Variants in BID observed in about 807,000 individuals in gnomAD.
The protein encoded by BID is BH3 interacting domain death agonist.
A neutral mutation model predicts 17.4 loss-of-function variants in BID; 19 were observed. The observed-to-expected ratio is 1.09, with a 90% CI of 0.76 to 1.60. BID has a LOEUF of 1.60. Among genes scored for constraint, BID ranks in the 40% most tolerant of loss-of-function variants. The pLI is 0.00. For missense variants in BID, 226 were observed against 256.0 expected, an observed-to-expected ratio of 0.88 and a Z score of 0.80; for synonymous variants, 108 against 102.8, an observed-to-expected ratio of 1.05 and a Z score of -0.31.
chr22:17,760,637 G>A (rs150115505), intron 1 of BID, among the ~76,000 whole-genome samples: 29 of 151,992 alleles, frequency 1.9e-4, no homozygotes, highest in African/African-American at 6.8e-4. Context: ...GCAGCCCGTC[G>A]CACTCTGCAG....
Position 17,773,979 on chromosome 22 carries a change from A to G in BID, c.-59+402T>C, listed in dbSNP as rs8190271. 3,245 of 517,096 alleles carry G rather than the reference A, an allele frequency of 6.3e-3. 93 individuals are homozygous for G. Among genetic ancestry groups the G allele is most frequent in the African/African-American group, 0.057 (2,909 of 51,270 alleles). The allele number at this position is 517,096 out of a possible 1,614,324, so 32.0% of individuals were successfully genotyped here. ...GGGCGGGGATTCCGATCCGCCGGCA[A>G]GGGTGGCCTGCACCCGGCCAGGCCC... On this transcript the variant is annotated intron_variant, in intron 1 of 5. Coordinates refer to ENST00000622694, the MANE Select transcript of BID (RefSeq NM_001196.4). The surrounding 1 kb of genome is among the most constrained non-coding windows in gnomAD (Gnocchi z 4.4).
At chr22:17,738,683 G>A (rs1009832121) in intron 4 of BID, among the ~76,000 whole-genome samples, 3 of 151,622 alleles carry the variant, frequency 2.0e-5, no homozygotes, top group Non-Finnish European at 4.4e-5. Flanking sequence ...ATGGGAGTGC[G>A]CCAGCCACTC....
At chr22:17,749,039 C>CT (rs1886343961) in intron 2 of BID, among the ~76,000 whole-genome samples, 2 of 152,252 alleles carry the variant, frequency 1.3e-5, no homozygotes, top group Non-Finnish European at 2.9e-5. Context: ...GTAGGGGCAG[C>CT]TTGAGAACCT....
rs144654774 is a variant in BID at position 17,738,412 on chromosome 22, G to A, written c.364-183C>T. ...AAAGGGAAGACTGCAATCACTCCCTGCAGGGGGCTCGGTAAGCAAACGCAT... is the reference window on the plus strand; with the variant it reads ...AAAGGGAAGACTGCAATCACTCCCTACAGGGGGCTCGGTAAGCAAACGCAT... On this transcript the variant is annotated intron_variant, in intron 4 of 5. Transcript: ENST00000622694. Among the ~76,000 whole-genome samples, 6 of 152,360 alleles carry A rather than the reference G, an allele frequency of 3.9e-5. No homozygotes were observed. The East Asian group carries it at 1.2e-3, about 29-fold the overall frequency.
intron 2 of BID, among the ~76,000 whole-genome samples, chr22:17,747,380 G>T (rs2061501531): frequency 1.3e-5 from 2 of 152,222 alleles, no homozygotes; most frequent in Admixed American, 1.3e-4. Flanking sequence ...GAGTACAATG[G>T]TGCCATCTCA....
chr22:17,757,132 C>T (rs1259349058), intron 1 of BID, among the ~76,000 whole-genome samples: 4 of 152,016 alleles, frequency 2.6e-5, no homozygotes, highest in African/African-American at 7.2e-5. Context: ...CACCAGGCTT[C>T]GGCCGGGCAC....
At chr22:17,762,858 G>A (rs1352662740) in intron 1 of BID, among the ~76,000 whole-genome samples, 1 of 150,462 alleles carries the variant, frequency 6.6e-6, no homozygotes, top group Non-Finnish European at 1.5e-5. Flanking sequence ...CTGCTTTGAG[G>A]AAAAAAAACA....
At position 17,773,146 on chromosome 22, in the gene BID, G is replaced by A. The variant is rs1314965504; in HGVS notation, c.-59+1235C>T. Among the ~76,000 whole-genome samples the A allele has an allele frequency of 6.6e-6, 1 of 152,106 alleles. No homozygotes were observed. The highest frequency in any genetic ancestry group is 2.4e-5 in the African/African-American group (1 of 41,416). On this transcript the variant is annotated intron_variant, in intron 1 of 5. Coordinates refer to ENST00000622694, the MANE Select transcript of BID (RefSeq NM_001196.4). The surrounding 1 kb of genome is among the most constrained non-coding windows in gnomAD (Gnocchi z 4.4). ...TCCTCTTCCCTCCCTGGGCAAGAGGGGCAGAAGGGGCAGGGACGCACACCC... is the reference window on the plus strand; with the variant it reads ...TCCTCTTCCCTCCCTGGGCAAGAGGAGCAGAAGGGGCAGGGACGCACACCC...
In BID at chr22:17,769,942, T is replaced by C. The variant is rs2061707434; in HGVS notation, c.-59+4439A>G. ...TCCGGTGCCCTCAGGCCTAGCCTCA[T>C]TGTCACAGGAACGGAGCTCCTCGGG... On this transcript the variant is annotated intron_variant, in intron 1 of 5. Coordinates refer to ENST00000622694, the MANE Select transcript of BID (RefSeq NM_001196.4). This position sits in a 1 kb window ranked among gnomAD's most constrained non-coding sequence, Gnocchi z 4.8. Among the ~76,000 whole-genome samples, 1 of 152,096 alleles carries C rather than the reference T, an allele frequency of 6.6e-6. No homozygotes were observed. The highest frequency in any genetic ancestry group is 2.4e-5 in the African/African-American group (1 of 41,414).
At chr22:17,739,689 G>C (rs1417006107) in intron 3 of BID, 1 of 685,472 alleles carries the variant, frequency 1.5e-6, no homozygotes, top group African/African-American at 1.8e-5. Flanking sequence ...CAGTGCCGGA[G>C]CTCAGGGCCT....
intron 2 of BID, among the ~76,000 whole-genome samples, chr22:17,746,266 G>A (rs2061494667): frequency 6.6e-6 from 1 of 152,148 alleles, no homozygotes; most frequent in Admixed American, 6.6e-5. Flanking sequence ...CCCTCTCCAT[G>A]CGATACCGGA....
chr22:17,744,040 C>T lies in BID; in HGVS notation c.13-27G>A, dbSNP rs760643580. 1.3e-5 allele frequency: 20 copies of T among 1,597,004 alleles called. No homozygotes were observed. The East Asian group carries it at 1.6e-4, about 12-fold the overall frequency. Reference sequence around the variant, plus strand: ...TGAGGGGAAAGGGGAGTCAGGAAGCCGGGACTTCAGCCAGGCCAGAGGCCC... The same window carrying T: ...TGAGGGGAAAGGGGAGTCAGGAAGCTGGGACTTCAGCCAGGCCAGAGGCCC... On this transcript the variant is annotated intron_variant, in intron 2 of 5. Transcript: ENST00000622694.
chr22:17,762,114 G>C (rs932533474), intron 1 of BID, among the ~76,000 whole-genome samples: 1 of 152,068 alleles, frequency 6.6e-6, no homozygotes, highest in Non-Finnish European at 1.5e-5. Flanking sequence ...CGAGAATCCA[G>C]GTATCCTCTA....
chr22:17,770,464 C>T (rs920084160), intron 1 of BID, among the ~76,000 whole-genome samples: 9 of 152,190 alleles, frequency 5.9e-5, no homozygotes, highest in African/African-American at 1.7e-4. Flanking sequence ...GAACACCGCC[C>T]ATCCCGGACC....
At chr22:17,764,121 T>G (rs1013187591) in intron 1 of BID, 1 of 154,406 alleles carries the variant, frequency 6.5e-6, no homozygotes, top group Admixed American at 6.6e-5. Flanking sequence ...CTGTAGGAAG[T>G]GGTGGGAAAG....
chr22:17,772,100 G>T (rs1184622200), intron 1 of BID, among the ~76,000 whole-genome samples: 1 of 152,064 alleles, frequency 6.6e-6, no homozygotes, highest in African/African-American at 2.4e-5. Context: ...TGGAGAATGG[G>T]GATGCTACCC....
chr22:17,739,934 G>T (rs567189281), intron 3 of BID: 2 of 807,402 alleles, frequency 2.5e-6, no homozygotes, highest in Non-Finnish European at 4.0e-6. Flanking sequence ...CCCATTCCTC[G>T]CAGTCCCGTC....
In BID at chr22:17,746,404, C is replaced by A. The variant is rs544353986; in HGVS notation, c.13-2391G>T. Among the ~76,000 whole-genome samples, 8 of 152,324 alleles carry A rather than the reference C, an allele frequency of 5.3e-5. No individual in the cohort carries two copies. In the East Asian group the frequency reaches 1.3e-3, roughly 26 times the overall value. On this transcript the variant is annotated intron_variant, in intron 2 of 5. Coordinates refer to ENST00000622694, the MANE Select transcript of BID (RefSeq NM_001196.4). ...AGCCTTTACTTCTCCAAAGTTGTTT[C>A]TGAAGAGAGGAAAAACTGTATGCAA... is the stretch of plus-strand genomic sequence containing the variant.
chr22:17,746,464 C>T (rs930192767), intron 2 of BID, among the ~76,000 whole-genome samples: 4 of 152,180 alleles, frequency 2.6e-5, no homozygotes, highest in Non-Finnish European at 5.9e-5. Flanking sequence ...AATTCTTGTA[C>T]GGAGCAGCCG....
Sources: gnomAD v4.1 joint callset for allele counts (sites outside exome capture counted in the v4.1 genomes callset) on GRCh38, gnomAD v4.1.1 for gene constraint, Gnocchi (gnomAD v3.1) non-coding constraint, MANE v1.5 for transcripts, NCBI Gene and HGNC (gene_info 2026-07-23, HGNC 2026-07-21) for gene names.